The following POU6F2 variants were observed in gnomAD, a reference collection of about 807,000 sequenced individuals.
The protein encoded by POU6F2 is POU class 6 homeobox 2, also known as POU domain, class 6, transcription factor 2.
In POU6F2, 31 loss-of-function variants were observed where a neutral mutation model predicts 71.3. The ratio of observed to expected loss-of-function variants is 0.43; its 90% confidence interval spans 0.33 to 0.59. The LOEUF is 0.59. POU6F2 is among the 20% of genes least tolerant of loss of function. POU6F2 has a pLI of 0.04. For synonymous variants in POU6F2, 347 were observed against 355.7 expected, an observed-to-expected ratio of 0.98 and a Z score of 0.27; for missense variants, 783 against 856.8, an observed-to-expected ratio of 0.91 and a Z score of 1.07.
chr7:38,991,412 A>G (rs916990193), intron 1 of POU6F2, among the ~76,000 whole-genome samples: 2 of 152,152 alleles, frequency 1.3e-5, no homozygotes, highest in East Asian at 1.9e-4. Flanking sequence ...TGTGCCCTGC[A>G]TTTTGATCTT....
chr7:38,994,613 TA>T (rs1201246778), intron 1 of POU6F2, among the ~76,000 whole-genome samples: 2 of 152,090 alleles, frequency 1.3e-5, no homozygotes, highest in Non-Finnish European at 2.9e-5. Context: ...CTGGAGGTGC[TA>T]ATCAGTGACA....
intron 8 of POU6F2, among the ~76,000 whole-genome samples, chr7:39,459,264 A>G (rs767963573): frequency 5.9e-5 from 9 of 152,228 alleles, no homozygotes; most frequent in Non-Finnish European, 1.3e-4. Context: ...TAATGTGAAG[A>G]TAAAAGACAA....
At chr7:39,261,065 G>GCA (rs72377948) in intron 4 of POU6F2, among the ~76,000 whole-genome samples, 3,048 of 147,922 alleles carry the variant, frequency 0.021, 39 homozygotes, top group Middle Eastern at 0.041. Context: ...ATACACACAT[G>GCA]CACACACACA....
At chr7:39,152,062 G>A (rs1294867250) in intron 2 of POU6F2, among the ~76,000 whole-genome samples, 2 of 152,192 alleles carry the variant, frequency 1.3e-5, no homozygotes, top group African/African-American at 2.4e-5. Context: ...GCCTATTTAT[G>A]CTTGTATACT....
chr7:39,228,709 A>G (rs1186071076), intron 4 of POU6F2, among the ~76,000 whole-genome samples: 2 of 152,236 alleles, frequency 1.3e-5, no homozygotes, highest in African/African-American at 4.8e-5. Flanking sequence ...TGTAATCAGT[A>G]AGTAGTCGCA....
At chr7:39,185,577 G>A (rs1392206611) in intron 2 of POU6F2, among the ~76,000 whole-genome samples, 1 of 152,014 alleles carries the variant, frequency 6.6e-6, no homozygotes, top group East Asian at 1.9e-4. Context: ...TAGACATGTA[G>A]GGGAATATTC....
intron 4 of POU6F2, among the ~76,000 whole-genome samples, chr7:39,253,535 C>CT (rs1488558859): frequency 6.6e-6 from 1 of 152,190 alleles, no homozygotes; most frequent in Non-Finnish European, 1.5e-5. Flanking sequence ...AAACACACAG[C>CT]TTCTAATGAG....
At position 39,464,354 on chromosome 7, in the gene POU6F2, A is replaced by G. The variant is rs1789019170; in HGVS notation, c.1831A>G (p.Met611Val). 2 of 1,614,042 alleles carry G rather than the reference A, an allele frequency of 1.2e-6. No individual in the cohort carries two copies. The highest frequency in any genetic ancestry group is 8.5e-7 in the Non-Finnish European group (1 of 1,179,890). ...QKIKPVLERW[M>V]AEAEARHRAG... ...GATCAAGCCGGTGCTTGAGCGGTGG[A>G]TGGCTGAGGCTGAGGCCCGCCATCG... Residue 611 changes from methionine to valine, a missense_variant, in exon 10 of 10, where the codon ATG (methionine) becomes GTG (valine). Transcript: ENST00000518318. The surrounding 1 kb of genome is among the most constrained non-coding windows in gnomAD (Gnocchi z 4.1).
intron 2 of POU6F2, among the ~76,000 whole-genome samples, chr7:39,119,248 A>T (rs1791993839): frequency 6.6e-6 from 1 of 152,252 alleles, no homozygotes; most frequent in Non-Finnish European, 1.5e-5. Flanking sequence ...GATGCCTGAC[A>T]TGTTCAACAA....
chr7:39,070,582 AC>A (rs1554315346), intron 1 of POU6F2, among the ~76,000 whole-genome samples: 1 of 149,980 alleles, frequency 6.7e-6, no homozygotes, highest in Non-Finnish European at 1.5e-5. Flanking sequence ...ACCCATGCCC[AC>A]CCACTTCTCA....
At chr7:39,013,372 C>A (rs955412954) in intron 1 of POU6F2, 1 of 152,484 alleles carries the variant, frequency 6.6e-6, no homozygotes, top group African/African-American at 2.4e-5. Flanking sequence ...GGCAATGCCT[C>A]GCCCTGCTTC....
rs568248221 is a variant in POU6F2, at chr7:39,165,075, A to G, written c.278-39160A>G. 5.3e-5 allele frequency among the ~76,000 whole-genome samples: 8 copies of G among 152,310 alleles called. No individual in the cohort carries two copies. In the East Asian group the frequency reaches 1.5e-3, roughly 29 times the overall value. ...TACAACTCCACTAGGATCAATGATT[A>G]TGTCATGCTTCCCCGGGGATTACAG... On this transcript the variant is annotated intron_variant, in intron 2 of 9. Coordinates refer to ENST00000518318, the MANE Select transcript of POU6F2 (RefSeq NM_001370959.1).
intron 4 of POU6F2, among the ~76,000 whole-genome samples, chr7:39,276,593 A>C (rs995924175): frequency 4.0e-5 from 6 of 151,548 alleles, no homozygotes; most frequent in African/African-American, 1.5e-4. Context: ...CTATAAAGAC[A>C]CATGCACACG....
At chr7:39,051,439 T>C (rs1309444697) in intron 1 of POU6F2, among the ~76,000 whole-genome samples, 2 of 152,126 alleles carry the variant, frequency 1.3e-5, no homozygotes, top group Non-Finnish European at 2.9e-5. Context: ...TTACTTTCTA[T>C]GTACATAATA....
chr7:39,129,681 A>G (rs1229688909), intron 2 of POU6F2, among the ~76,000 whole-genome samples: 1 of 152,180 alleles, frequency 6.6e-6, no homozygotes, highest in African/African-American at 2.4e-5. Context: ...TGATGGCTCC[A>G]TACACATCAT....
chr7:39,143,710 C>T (rs1246921437), intron 2 of POU6F2, among the ~76,000 whole-genome samples: 1 of 152,028 alleles, frequency 6.6e-6, no homozygotes. Flanking sequence ...CAAGTTTGGG[C>T]CCATTGCAGT....
At chr7:39,422,358 AAG>A (rs1348507294) in intron 6 of POU6F2, among the ~76,000 whole-genome samples, 5 of 152,200 alleles carry the variant, frequency 3.3e-5, no homozygotes, top group Non-Finnish European at 5.9e-5. Context: ...GTGAGGAAAA[AAG>A]AATAAGTAAG....
chr7:39,303,033 G>A (rs879693416), intron 4 of POU6F2, among the ~76,000 whole-genome samples: 19 of 152,234 alleles, frequency 1.2e-4, no homozygotes, highest in Non-Finnish European at 1.5e-5. Flanking sequence ...TGCTCATGCT[G>A]TTGGCTGGGG....
At chr7:39,310,134 G>A (rs1785133830) in intron 4 of POU6F2, among the ~76,000 whole-genome samples, 1 of 152,136 alleles carries the variant, frequency 6.6e-6, no homozygotes, top group South Asian at 2.1e-4. Flanking sequence ...GCAATCCAGA[G>A]TATATAGCCC....
Sources: allele counts gnomAD v4.1 joint callset (sites outside exome capture counted in the v4.1 genomes callset), GRCh38; gene constraint gnomAD v4.1.1; non-coding constraint Gnocchi (gnomAD v3.1); transcripts MANE v1.5; gene names NCBI Gene and HGNC (gene_info 2026-07-23, HGNC 2026-07-21).